The following SGMS1 variants were observed in gnomAD, a reference collection of about 807,000 sequenced individuals.
SGMS1 encodes the protein phosphatidylcholine:ceramide cholinephosphotransferase 1.
Under a neutral mutation model 46.2 loss-of-function variants are expected in SGMS1, and 13 were observed. The observed-to-expected ratio is 0.28, with a 90% confidence interval of 0.18 to 0.45. SGMS1 has a LOEUF of 0.45. Among genes scored for constraint, SGMS1 ranks in the 20% least tolerant of loss-of-function variants. The pLI is 1.00. For missense variants in SGMS1, 324 were observed against 519.9 expected (o/e 0.62, Z 3.66); for synonymous variants, 203 against 187.8 (o/e 1.08, Z -0.66).
intron 3 of SGMS1, among the ~76,000 whole-genome samples, chr10:50,467,192 G>T (rs2273402): frequency 0.34 from 52,263 of 151,736 alleles, 9,151 homozygotes; most frequent in Admixed American, 0.4. Context: ...GCATCTGATG[G>T]TATAACATGA....
chr10:50,327,599 G>A (rs773990074), intron 7 of SGMS1, among the ~76,000 whole-genome samples: 3 of 152,142 alleles, frequency 2.0e-5, no homozygotes, highest in African/African-American at 4.8e-5. Flanking sequence ...TTGAGTTGAC[G>A]TTCAACTGTC....
At chr10:50,467,663 G>A (rs771977880) in intron 3 of SGMS1, among the ~76,000 whole-genome samples, 18 of 152,166 alleles carry the variant, frequency 1.2e-4, no homozygotes, top group Non-Finnish European at 1.6e-4. Flanking sequence ...AGTCAACACT[G>A]CCCTGCCTTC....
At chr10:50,358,957 A>G (rs761655936) in intron 6 of SGMS1, among the ~76,000 whole-genome samples, 1 of 152,236 alleles carries the variant, frequency 6.6e-6, no homozygotes, top group African/African-American at 2.4e-5. Context: ...ATTTCAGTCT[A>G]CTGTTGAGAA....
intron 5 of SGMS1, among the ~76,000 whole-genome samples, chr10:50,441,952 C>A (rs991816089): frequency 6.6e-6 from 1 of 152,208 alleles, no homozygotes; most frequent in Admixed American, 6.5e-5. Context: ...TGTCACTAAT[C>A]TCTAACTTTG....
At chr10:50,313,482 A>T (rs1847290826) in intron 8 of SGMS1, among the ~76,000 whole-genome samples, 1 of 152,056 alleles carries the variant, frequency 6.6e-6, no homozygotes, top group Non-Finnish European at 1.5e-5. Flanking sequence ...GGACCAGGAG[A>T]CTACTGTTTT....
rs1478631448 is a variant in SGMS1, at chr10:50,357,931, G to A, written c.-231-13586C>T. Among the ~76,000 whole-genome samples the A allele has an allele frequency of 4.6e-5, 7 of 152,106 alleles. No individual in the cohort carries two copies. In the South Asian group the frequency reaches 6.2e-4, roughly 14 times the overall value. The stretch of plus-strand genomic sequence containing the variant: ...AAAGAATGATGAAAGTCCTACATGC[G>A]TAGTCTCTTAGACTTATAGTGAACC... On this transcript the variant is annotated intron_variant, in intron 6 of 10. Coordinates refer to ENST00000361781, the MANE Select transcript of SGMS1 (RefSeq NM_147156.4).
intron 6 of SGMS1, among the ~76,000 whole-genome samples, chr10:50,428,515 T>C (rs138575641): frequency 6.6e-6 from 1 of 152,286 alleles, no homozygotes; most frequent in Non-Finnish European, 1.5e-5. Context: ...ACAAAAAGAA[T>C]GGAAAATGGC....
intron 3 of SGMS1, among the ~76,000 whole-genome samples, chr10:50,518,929 C>T (rs1425311056): frequency 6.6e-6 from 1 of 152,128 alleles, no homozygotes; most frequent in Non-Finnish European, 1.5e-5. Context: ...CAATGATATA[C>T]TATTTTAAAC....
intron 3 of SGMS1, among the ~76,000 whole-genome samples, chr10:50,494,341 C>T (rs1183840251): frequency 6.6e-6 from 1 of 152,160 alleles, no homozygotes; most frequent in Non-Finnish European, 1.5e-5. Context: ...ATGTTCATTA[C>T]AGGACTATTC....
intron 6 of SGMS1, among the ~76,000 whole-genome samples, chr10:50,352,536 C>A (rs1848037927): frequency 6.6e-6 from 1 of 152,094 alleles, no homozygotes; most frequent in Non-Finnish European, 1.5e-5. Flanking sequence ...AAATTTGAGA[C>A]ACAGAAGTAG....
At chr10:50,498,785 A>G (rs990573855) in intron 3 of SGMS1, among the ~76,000 whole-genome samples, 1 of 152,218 alleles carries the variant, frequency 6.6e-6, no homozygotes, top group African/African-American at 2.4e-5. Context: ...GTGTACAAAC[A>G]TATCTTCAAG....
At chr10:50,521,528 C>T (rs1031976183) in intron 2 of SGMS1, among the ~76,000 whole-genome samples, 14 of 152,094 alleles carry the variant, frequency 9.2e-5, no homozygotes, top group African/African-American at 3.1e-4. Flanking sequence ...TTTCTCTTTC[C>T]TCCAATTCAG....
chr10:50,510,234 T>C (rs1837741977), intron 3 of SGMS1, among the ~76,000 whole-genome samples: 2 of 152,224 alleles, frequency 1.3e-5, no homozygotes. Flanking sequence ...TTCTTTCTTA[T>C]TGATGAACAG....
chr10:50,458,483 G>A (rs949384931), intron 5 of SGMS1, among the ~76,000 whole-genome samples: 13 of 151,180 alleles, frequency 8.6e-5, no homozygotes, highest in Middle Eastern at 3.2e-3. Context: ...AGCCTCCCGA[G>A]TAGCTGGGAC....
chr10:50,475,210 C>T (rs113303100), intron 3 of SGMS1, among the ~76,000 whole-genome samples: 28 of 152,202 alleles, frequency 1.8e-4, no homozygotes, highest in African/African-American at 6.5e-4. Context: ...TGATATCTAC[C>T]TGGAAGAAAA....
At chr10:50,569,243 T>A (rs985525228) in intron 2 of SGMS1, among the ~76,000 whole-genome samples, 2 of 146,860 alleles carry the variant, frequency 1.4e-5, no homozygotes, top group African/African-American at 5.1e-5. Context: ...ATGGCACGTG[T>A]ATACCTGTGT....
intron 8 of SGMS1, among the ~76,000 whole-genome samples, chr10:50,313,051 A>T (rs1380545785): frequency 6.6e-6 from 1 of 152,250 alleles, no homozygotes; most frequent in Non-Finnish European, 1.5e-5. Flanking sequence ...TCTACAGGAA[A>T]CAAAATGTTG....
intron 2 of SGMS1, among the ~76,000 whole-genome samples, chr10:50,571,476 A>T (rs546818495): frequency 6.6e-6 from 1 of 152,242 alleles, no homozygotes; most frequent in African/African-American, 2.4e-5. Context: ...CATTTCCTGC[A>T]GTGAGTCCTG....
At chr10:50,394,674 C>T (rs575601639) in intron 6 of SGMS1, among the ~76,000 whole-genome samples, 3 of 152,274 alleles carry the variant, frequency 2.0e-5, no homozygotes, top group South Asian at 2.1e-4. Flanking sequence ...TAAATAACTG[C>T]CTTTGCCTTT....
Sources: gnomAD v4.1 joint callset for allele counts (sites outside exome capture counted in the v4.1 genomes callset) on GRCh38, gnomAD v4.1.1 for gene constraint, MANE v1.5 for transcripts, NCBI Gene and HGNC (gene_info 2026-07-23, HGNC 2026-07-21) for gene names.